Variants in INTU observed in about 807,000 individuals in gnomAD.
INTU encodes the protein protein inturned.
Under a neutral mutation model 100.5 loss-of-function variants are expected in INTU, and 68 were observed. That is an observed-to-expected ratio of 0.68 (90% CI 0.56 to 0.83). INTU has a LOEUF of 0.83. Ranked by LOEUF, INTU falls within the 40% of genes least tolerant of loss-of-function variation. INTU has a pLI of 0.00. For synonymous variants in INTU, 357 were observed against 395.7 expected (o/e 0.90, Z 1.16); for missense variants, 1,071 against 1,114.7 (o/e 0.96, Z 0.56).
chr4:127,656,192 T>C (rs1310098851), intron 2 of INTU, among the ~76,000 whole-genome samples: 1 of 152,188 alleles, frequency 6.6e-6, no homozygotes, highest in Admixed American at 6.5e-5. Context: ...TCTGCGTCGC[T>C]CACACTGGGA....
rs546191596 is a variant in INTU, at chr4:127,691,592, C to T, written c.1449+3725C>T. Among the ~76,000 whole-genome samples, 14 of 151,894 alleles carry T rather than the reference C, an allele frequency of 9.2e-5. No individual in the cohort carries two copies. The South Asian group carries it at 2.9e-3, about 32-fold the overall frequency. On this transcript the variant is annotated intron_variant, in intron 8 of 15. Coordinates refer to ENST00000335251, the MANE Select transcript of INTU (RefSeq NM_015693.4). ...GTGAAGTGTTTGTTAAGGCCTTTGGCCCATTTTTTTTTAATTCGGTAGGTT... is the reference window on the plus strand; with the variant it reads ...GTGAAGTGTTTGTTAAGGCCTTTGGTCCATTTTTTTTTAATTCGGTAGGTT...
At position 127,704,407 on chromosome 4, in the gene INTU, T is replaced by C. The variant is rs539320508; in HGVS notation, c.1566+117T>C. 7.0e-4 allele frequency: 539 copies of C among 770,782 alleles called. 1 individual carries two copies. Among genetic ancestry groups the C allele is most frequent in the Non-Finnish European group, 9.3e-4 (435 of 469,708 alleles). The allele number at this position is 770,782 out of a possible 1,614,324, so 47.7% of individuals were successfully genotyped here. A position where few individuals can be genotyped will look rare whatever the true frequency, so the allele number is the denominator to read the frequency against. ...TCTTTTCTTTCAAATGTAGGTACCATAAGATTAAGAGCTTTCTCATTTTAG... is the reference window on the plus strand; with the variant it reads ...TCTTTTCTTTCAAATGTAGGTACCACAAGATTAAGAGCTTTCTCATTTTAG... On this transcript the variant is annotated intron_variant, in intron 10 of 15. Transcript: ENST00000335251.
chr4:127,684,558 A>G, intron 7 of INTU, 72 bp downstream of exon 7: 1 of 874,720 alleles, frequency 1.1e-6, no homozygotes, highest in Non-Finnish European at 1.8e-6. Flanking sequence ...ATTTAAGACC[A>G]TTTCTTGCTT....
intron 14 of INTU, among the ~76,000 whole-genome samples, chr4:127,712,827 G>A (rs1011104467): frequency 1.3e-5 from 2 of 152,164 alleles, no homozygotes; most frequent in African/African-American, 2.4e-5. Flanking sequence ...CCTCCTGTCA[G>A]GTCAGCTGCG....
At chr4:127,641,695 C>T (rs912537171) in intron 1 of INTU, among the ~76,000 whole-genome samples, 1 of 152,112 alleles carries the variant, frequency 6.6e-6, no homozygotes, top group Non-Finnish European at 1.5e-5. Flanking sequence ...AATTCTTTCT[C>T]ACTTTCTCTT....
At chr4:127,655,807 C>T (rs1041064152) in intron 2 of INTU, among the ~76,000 whole-genome samples, 3 of 152,180 alleles carry the variant, frequency 2.0e-5, no homozygotes, top group South Asian at 4.1e-4. Context: ...CAATGGGGGG[C>T]GCCCCTCCCC....
At chr4:127,644,494 G>A (rs1727482085) in intron 2 of INTU, among the ~76,000 whole-genome samples, 1 of 152,172 alleles carries the variant, frequency 6.6e-6, no homozygotes, top group Non-Finnish European at 1.5e-5. Context: ...AGTTCTTGGA[G>A]TGGTTTTCAA....
chr4:127,643,277 T>G (rs1266581947), intron 1 of INTU, among the ~76,000 whole-genome samples: 1 of 152,188 alleles, frequency 6.6e-6, no homozygotes, highest in East Asian at 1.9e-4. Flanking sequence ...TCTATTGCTA[T>G]GCCTTTTTGA....
intron 9 of INTU, among the ~76,000 whole-genome samples, chr4:127,703,931 GT>G (rs1560615899): frequency 6.6e-6 from 1 of 152,062 alleles, no homozygotes; most frequent in African/African-American, 2.4e-5. Context: ...TAGAGTAAAA[GT>G]TTTTTGTCCT....
At chr4:127,678,787 G>A (rs1027955925) in intron 6 of INTU, among the ~76,000 whole-genome samples, 5 of 152,144 alleles carry the variant, frequency 3.3e-5, no homozygotes, top group African/African-American at 9.7e-5. Flanking sequence ...AAATGCTCCA[G>A]TTAAAAGACA....
At position 127,716,364 on chromosome 4, in the gene INTU, C is replaced by G; in HGVS notation, c.2757C>G (p.Val919=). 1 of 1,588,464 alleles carries G rather than the reference C, an allele frequency of 6.3e-7. No homozygotes were observed. The highest frequency in any genetic ancestry group is 8.6e-7 in the Non-Finnish European group (1 of 1,167,330). ...ATCCAAAACCTCAAGAACTTTATGT[C>G]TGTTTTCATGACTCAGTCACAGAAA... ...FLHPKPQELY[V]CFHDSVTEIA... Residue 919 remains valine (V), a synonymous_variant, in exon 16 of 16, where the codon GTC becomes GTG. Coordinates refer to ENST00000335251, the MANE Select transcript of INTU (RefSeq NM_015693.4).
intron 6 of INTU, among the ~76,000 whole-genome samples, chr4:127,679,369 C>A (rs1729402130): frequency 1.3e-5 from 2 of 152,012 alleles, no homozygotes; most frequent in African/African-American, 4.8e-5. Context: ...CTCTCCTCAG[C>A]AAATGTAAAA....
At chr4:127,716,043 A>G (rs1047512903) in intron 15 of INTU, among the ~76,000 whole-genome samples, 2 of 152,338 alleles carry the variant, frequency 1.3e-5, no homozygotes, top group South Asian at 4.1e-4. Flanking sequence ...TGCCTTTATT[A>G]TAATAACTAG....
At chr4:127,679,439 A>G (rs1409971336) in intron 6 of INTU, among the ~76,000 whole-genome samples, 1 of 152,238 alleles carries the variant, frequency 6.6e-6, no homozygotes, top group Non-Finnish European at 1.5e-5. Flanking sequence ...ACAACTCAGG[A>G]TTAAGAAACT....
At chr4:127,701,113 A>G (rs1730628629) in intron 9 of INTU, among the ~76,000 whole-genome samples, 1 of 152,172 alleles carries the variant, frequency 6.6e-6, no homozygotes, top group South Asian at 2.1e-4. Context: ...CAGAACACCT[A>G]TAAAATATGC....
chr4:127,687,864 C>G lies in INTU; in HGVS notation c.1446C>G (p.Ile482Met). 2 of 1,575,130 alleles carry G rather than the reference C, an allele frequency of 1.3e-6. No individual in the cohort carries two copies. The highest frequency in any genetic ancestry group is 1.7e-6 in the Non-Finnish European group (2 of 1,154,688). ...GVRWLTLPLE[I>M]KMELDMALSD... ...GGTGGCTCACACTTCCACTGGAAAT[C>G]AAGGTAATCTTAGGTATTATAAAGC... The change falls in exon 8 of 16, where the codon ATC becomes ATG. Residue 482 changes from isoleucine to methionine, a missense_variant. Physicochemically the swap from Ile to Met is conservative, Grantham distance 10. Coordinates refer to ENST00000335251, the MANE Select transcript of INTU (RefSeq NM_015693.4).
intron 4 of INTU, among the ~76,000 whole-genome samples, chr4:127,668,464 C>T (rs1343413652): frequency 2.0e-5 from 3 of 151,680 alleles, no homozygotes; most frequent in Non-Finnish European, 4.4e-5. Context: ...TTTATAATAT[C>T]GTGACACTTT....
In INTU at chr4:127,669,098, G is replaced by A. The variant is rs758341002; in HGVS notation, c.1035G>A (p.Gly345=). 2 of 1,553,810 alleles carry A rather than the reference G, an allele frequency of 1.3e-6. No homozygotes were observed. Among genetic ancestry groups the A allele is most frequent in the South Asian group, 2.4e-5 (2 of 82,706 alleles). The change falls in exon 5 of 16, where the codon GGG becomes GGA. Residue 345 remains glycine (G), a synonymous_variant. Coordinates refer to ENST00000335251, the MANE Select transcript of INTU (RefSeq NM_015693.4). ...CTCAGAAACTTAAAAGTGTGAGAGG[G>A]ATTTTTCTCACACTCTGTGACATGC... ...EASQKLKSVR[G]IFLTLCDMLE...
chr4:127,701,954 A>G (rs1730668818), intron 9 of INTU, among the ~76,000 whole-genome samples: 1 of 152,110 alleles, frequency 6.6e-6, no homozygotes, highest in South Asian at 2.1e-4. Context: ...AAATTTAGGG[A>G]TGGTAAACTC....
Sources: allele counts gnomAD v4.1 joint callset (sites outside exome capture counted in the v4.1 genomes callset), GRCh38; gene constraint gnomAD v4.1.1; transcripts MANE v1.5; gene names NCBI Gene and HGNC (gene_info 2026-07-23, HGNC 2026-07-21).